TBCK: variants seen among roughly 807,000 people sequenced by gnomAD.
TBCK encodes TBC domain-containing protein kinase-like protein.
A neutral mutation model predicts 113.4 loss-of-function variants in TBCK; 99 were observed. That is an observed-to-expected ratio of 0.87 (90% CI 0.74 to 1.03). TBCK has a LOEUF of 1.03. Among genes scored for constraint, TBCK ranks in the 50% least tolerant of loss-of-function variants. TBCK has a pLI of 0.00. For missense variants in TBCK, 1,045 were observed against 1,061.3 expected (o/e 0.98, Z 0.21); for synonymous variants, 369 against 370.8 (o/e 1.00, Z 0.05).
rs144055671 is a variant in TBCK, at chr4:106,302,280, C to A, written c.193+6488G>T. 2.5e-4 allele frequency among the ~76,000 whole-genome samples: 38 copies of A among 152,192 alleles called. No individual in the cohort carries two copies. In the South Asian group the frequency reaches 7.7e-3, roughly 31 times the overall value. ...ACAGCAATATAGTGGACAGGGCTAA[C>A]GGGACTAACCATGCTGTTGAACTGG... On this transcript the variant is annotated intron_variant, in intron 2 of 25. Transcript: ENST00000394708.
intron 12 of TBCK, among the ~76,000 whole-genome samples, chr4:106,241,255 AAATAAATGACATATT>A (rs1278433347): frequency 6.9e-6 from 1 of 144,184 alleles, no homozygotes; most frequent in African/African-American, 2.9e-5. Context: ...AAAATAAGAC[AAATAAATGACATATT>A]TATTTAAGCA....
intron 25 of TBCK, among the ~76,000 whole-genome samples, chr4:106,073,148 G>T (rs966320279): frequency 3.9e-5 from 6 of 152,216 alleles, no homozygotes; most frequent in Non-Finnish European, 8.8e-5. Flanking sequence ...TTGCTGGCAA[G>T]AAGCTGTAAT....
intron 24 of TBCK, among the ~76,000 whole-genome samples, chr4:106,108,736 A>G (rs1578916638): frequency 1.3e-5 from 2 of 152,212 alleles, no homozygotes; most frequent in African/African-American, 4.8e-5. Context: ...TCTATGCAAC[A>G]TACTATTGAA....
intron 25 of TBCK, among the ~76,000 whole-genome samples, chr4:106,059,886 C>A (rs1453578820): frequency 6.6e-6 from 1 of 151,764 alleles, no homozygotes; most frequent in Non-Finnish European, 1.5e-5. Context: ...AGTGAACACA[C>A]AAACGATAAG....
intron 3 of TBCK, among the ~76,000 whole-genome samples, chr4:106,269,283 A>G (rs1340652109): frequency 6.6e-6 from 1 of 152,198 alleles, no homozygotes; most frequent in Non-Finnish European, 1.5e-5. Flanking sequence ...ACTTTCCTTT[A>G]TAACTTGAAC....
At chr4:106,282,354 T>G (rs1764688565) in intron 3 of TBCK, among the ~76,000 whole-genome samples, 1 of 152,028 alleles carries the variant, frequency 6.6e-6, no homozygotes, top group Admixed American at 6.6e-5. Context: ...CAAAACAAAC[T>G]TTTCATTTCA....
At chr4:106,079,868 G>A (rs7689298) in intron 25 of TBCK, among the ~76,000 whole-genome samples, 59,822 of 151,894 alleles carry the variant, frequency 0.39, 12,038 homozygotes, top group South Asian at 0.47. Context: ...GGAAGCAGGC[G>A]CATCGTACAT....
intron 24 of TBCK, among the ~76,000 whole-genome samples, chr4:106,110,785 T>C (rs1742756634): frequency 6.6e-6 from 1 of 152,086 alleles, no homozygotes. Flanking sequence ...CCTACCTTAC[T>C]GCCTCCATCT....
intron 22 of TBCK, among the ~76,000 whole-genome samples, chr4:106,175,358 ATTTTTTT>A (rs34198925): frequency 7.3e-6 from 1 of 137,306 alleles, no homozygotes; most frequent in African/African-American, 2.7e-5. Flanking sequence ...ATCAGATTGA[ATTTTTTT>A]TTTTTTTTTT....
intron 3 of TBCK, among the ~76,000 whole-genome samples, chr4:106,285,710 A>T (rs1765046779): frequency 6.6e-6 from 1 of 152,210 alleles, no homozygotes; most frequent in Non-Finnish European, 1.5e-5. Flanking sequence ...GTTTTGCAAC[A>T]GTTATAGACA....
At chr4:106,159,720 A>G (rs755459805) in intron 23 of TBCK, among the ~76,000 whole-genome samples, 2 of 152,060 alleles carry the variant, frequency 1.3e-5, no homozygotes, top group Non-Finnish European at 2.9e-5. Flanking sequence ...CCACCTACAG[A>G]TTCAACACAT....
intron 24 of TBCK, among the ~76,000 whole-genome samples, chr4:106,101,410 G>A (rs1482017854): frequency 6.6e-6 from 1 of 152,134 alleles, no homozygotes; most frequent in African/African-American, 2.4e-5. Context: ...AAGCCCAAAT[G>A]AGATGAAAAA....
At chr4:106,128,959 T>C (rs2149611778) in intron 23 of TBCK, among the ~76,000 whole-genome samples, 1 of 152,262 alleles carries the variant, frequency 6.6e-6, no homozygotes, top group East Asian at 1.9e-4. Context: ...CATATAAATA[T>C]TTGGAAAAGA....
chr4:106,255,799 GAAT>G (rs1761925287), intron 5 of TBCK, among the ~76,000 whole-genome samples: 1 of 152,134 alleles, frequency 6.6e-6, no homozygotes, highest in Non-Finnish European at 1.5e-5. Context: ...CATCCAAGAA[GAAT>G]AAGGTACATG....
chr4:106,077,812 T>C (rs1738386787), intron 25 of TBCK, among the ~76,000 whole-genome samples: 1 of 152,168 alleles, frequency 6.6e-6, no homozygotes, highest in East Asian at 1.9e-4. Flanking sequence ...TTAGACCTAA[T>C]AGACACTACA....
At position 106,240,074 on chromosome 4, in the gene TBCK, C is replaced by T. The variant is rs928639896; in HGVS notation, c.1170+2396G>A. ...TTATCCCAGAAATACAAACATGGCT[C>T]AACATTGAAAAACCCCATCAACATA... On this transcript the variant is annotated intron_variant, in intron 12 of 25. Transcript: ENST00000394708. 2.6e-5 allele frequency among the ~76,000 whole-genome samples: 4 copies of T among 151,794 alleles called. 1 individual carries two copies. The highest frequency in any genetic ancestry group is 6.6e-5 in the Admixed American group (1 of 15,208).
chr4:106,164,430 G>T (rs1413247053), intron 23 of TBCK: 1 of 151,900 alleles, frequency 6.6e-6, no homozygotes. Context: ...TAGGTATGCA[G>T]ATGATTGCAT....
intron 5 of TBCK, among the ~76,000 whole-genome samples, chr4:106,253,244 G>T (rs970128770): frequency 6.6e-6 from 1 of 152,114 alleles, no homozygotes. Flanking sequence ...GAATTAGGAT[G>T]ACTGTATTCT....
rs1759705088 is a variant in TBCK at position 106,238,351 on chromosome 4, A to ATTTAACATGTAAATATT, written c.1171-1544_1171-1543insAATATTTACATGTTAAA. Among the ~76,000 whole-genome samples the ATTTAACATGTAAATATT allele has an allele frequency of 3.3e-5, 5 of 152,208 alleles. No homozygotes were observed. The South Asian group carries it at 1.0e-3, about 32-fold the overall frequency. Reference sequence around the variant, plus strand: ...AGAGATTCTAATACTCTCCTACTATATAACATGTAAAATATTAAATGGTTA... The same window carrying ATTTAACATGTAAATATT: ...AGAGATTCTAATACTCTCCTACTATATTTAACATGTAAATATTTAACATGTAAAATATTAAATGGTTA... On this transcript the variant is annotated intron_variant, in intron 12 of 25. Transcript: ENST00000394708.
Sources: gnomAD v4.1 joint callset for allele counts (sites outside exome capture counted in the v4.1 genomes callset) on GRCh38, gnomAD v4.1.1 for gene constraint, MANE v1.5 for transcripts, NCBI Gene and HGNC (gene_info 2026-07-23, HGNC 2026-07-21) for gene names.